Variants in KLF2 observed in about 807,000 individuals in gnomAD.
KLF2 encodes the protein Krueppel-like factor 2.
A neutral mutation model predicts 22.2 loss-of-function variants in KLF2; 9 were observed. The ratio of observed to expected loss-of-function variants is 0.40; its 90% CI spans 0.24 to 0.71. The LOEUF (loss-of-function observed/expected upper bound fraction) is 0.71, where lower values mean the gene tolerates loss of function less well. KLF2 is among the 30% of genes least tolerant of loss of function. The probability of loss-of-function intolerance (pLI) is 0.35; values close to 1 mark genes in which losing one functional copy is unlikely to be tolerated. For missense variants in KLF2, 481 were observed against 542.1 expected (o/e 0.89, Z 1.12); for synonymous variants, 299 against 264.2 (o/e 1.13, Z -1.28).
At position 16,325,861 on chromosome 19, in the gene KLF2, G is replaced by C; in HGVS notation, c.721G>C (p.Gly241Arg). The change falls in exon 2 of 3, where the codon GGT becomes CGT. Residue 241 changes from glycine to arginine, a missense_variant. Around this residue, in one of 2 missense-constraint regions of KLF2, gnomAD observed 421 missense variants for 435.1 expected, o/e 0.97. Coordinates refer to ENST00000248071, the MANE Select transcript of KLF2 (RefSeq NM_016270.4). ...GGGCCTGGCGCCCCCCGCCGCCCGC[G>C]GTCTCCTCACGCCGCCTGCGTCCCC... ...ALGLAPPAAR[G>R]LLTPPASPLE... 2 of 1,427,442 alleles carry C rather than the reference G, an allele frequency of 1.4e-6. No homozygotes were observed. The highest frequency in any genetic ancestry group is 3.0e-5 in the East Asian group (1 of 33,096). 88.4% of individuals were successfully genotyped at this position (1,427,442 alleles called of 1,614,324 possible). A position where few individuals can be genotyped will look rare whatever the true frequency, so the allele number is the denominator to read the frequency against.
In KLF2 at chr19:16,325,448, C is replaced by T. The variant is rs1222827636; in HGVS notation, c.308C>T (p.Pro103Leu). 1 of 1,413,570 alleles carries T rather than the reference C, an allele frequency of 7.1e-7. No individual in the cohort carries two copies. 87.6% of individuals were successfully genotyped at this position (1,413,570 alleles called of 1,614,324 possible). Residue 103 changes from proline to leucine, a missense_variant, in exon 2 of 3, where the codon CCG (proline) becomes CTG (leucine). Physicochemically the swap from Pro to Leu is moderately conservative, Grantham distance 98 (BLOSUM62 -3). Around this residue, in one of 2 missense-constraint regions of KLF2, gnomAD observed 421 missense variants for 435.1 expected, o/e 0.97. Coordinates refer to ENST00000248071, the MANE Select transcript of KLF2 (RefSeq NM_016270.4). ...CTGCTGCGACCCGAGCTGGATGCGC[C>T]GCTGGGGCCCGCACTGCACGGCCGC... Reference protein sequence around the residue: ...SELLRPELDAPLGPALHGRFL... With the variant: ...SELLRPELDALLGPALHGRFL...
Position 16,325,523 on chromosome 19 carries a change from C to T in KLF2, c.383C>T (p.Ala128Val), listed in dbSNP as rs1026883554. ...GRLVKAEPPE[A>V]DGGGGYGCAP... Reference sequence around the variant, plus strand: ...CTGGTCAAGGCCGAGCCCCCTGAAGCGGACGGCGGCGGCGGCTACGGCTGC... The same window carrying T: ...CTGGTCAAGGCCGAGCCCCCTGAAGTGGACGGCGGCGGCGGCTACGGCTGC... The change falls in exon 2 of 3, where the codon GCG (alanine) becomes GTG (valine). Residue 128 changes from alanine to valine, a missense_variant. Transcript: ENST00000248071. The T allele has an allele frequency of 1.0e-5, 13 of 1,273,292 alleles. No individual in the cohort carries two copies. Among genetic ancestry groups the T allele is most frequent in the African/African-American group, 3.2e-5 (2 of 63,156 alleles). The allele number at this position is 1,273,292 out of a possible 1,614,324, so 78.9% of individuals were successfully genotyped here. A position where few individuals can be genotyped will look rare whatever the true frequency, so the allele number is the denominator to read the frequency against.
chr19:16,325,071 G>A, intron 1 of KLF2, 73 bp downstream of exon 1: 1 of 1,405,020 alleles, frequency 7.1e-7, no homozygotes, highest in Non-Finnish European at 9.6e-7. Context: ...CGTGGGCTGC[G>A]GGGTGACAGG....
Position 16,325,695 on chromosome 19 carries a change from C to T in KLF2, c.555C>T (p.Pro185=), listed in dbSNP as rs1004068911. 7.0e-6 allele frequency: 8 copies of T among 1,138,674 alleles called. No individual in the cohort carries two copies. Among genetic ancestry groups the T allele is most frequent in the African/African-American group, 3.3e-5 (2 of 60,394 alleles). 70.5% of individuals were successfully genotyped at this position (1,138,674 alleles called of 1,614,324 possible). A position where few individuals can be genotyped will look rare whatever the true frequency, so the allele number is the denominator to read the frequency against. ...PLSPDGPARL[P]APGPRASFPP... ...GCCCCGACGGCCCCGCGCGCCTGCC[C>T]GCGCCCGGTCCGCGCGCCTCCTTCC... Residue 185 remains proline, a synonymous_variant, in exon 2 of 3, where the codon CCC becomes CCT. Coordinates refer to ENST00000248071, the MANE Select transcript of KLF2 (RefSeq NM_016270.4).
At chr19:16,326,239 T>G (rs1599497768) in intron 2 of KLF2, among the ~76,000 whole-genome samples, 5 of 122,636 alleles carry the variant, frequency 4.1e-5, no homozygotes, top group African/African-American at 6.5e-5. Context: ...CCTAAGGAAG[T>G]GTGATCCGAG....
At position 16,327,396 on chromosome 19, in the gene KLF2, T is replaced by A. The variant is rs1036277343; in HGVS notation, c.*365T>A. 1.6e-5 allele frequency: 3 copies of A among 191,416 alleles called. No individual in the cohort carries two copies. Among genetic ancestry groups the A allele is most frequent in the Non-Finnish European group, 2.2e-5 (2 of 92,524 alleles). The allele number at this position is 191,416 out of a possible 1,614,324, so 11.9% of individuals were successfully genotyped here. A position where few individuals can be genotyped will look rare whatever the true frequency, so the allele number is the denominator to read the frequency against. On this transcript the variant is annotated 3_prime_UTR_variant, in exon 3 of 3. Coordinates refer to ENST00000248071, the MANE Select transcript of KLF2 (RefSeq NM_016270.4). ...GTCTGCGGCATTTTTTATAATATTG[T>A]ATATAGTGACTGACAAATATTGTAT...
At chr19:16,325,124 G>A (rs1237468195) in intron 1 of KLF2, 92 bp from the exon 2 acceptor site, 25 of 1,315,824 alleles carry the variant, frequency 1.9e-5, no homozygotes, top group Non-Finnish European at 2.3e-5. Context: ...GAGGATGCGG[G>A]CCACGGGGAT....
intron 2 of KLF2, among the ~76,000 whole-genome samples, chr19:16,326,297 G>A (rs981362176): frequency 6.6e-6 from 1 of 151,830 alleles, no homozygotes; most frequent in African/African-American, 2.4e-5. Flanking sequence ...GGCCTCCGGA[G>A]GTTGGGAAGA....
At position 16,328,014 on chromosome 19, in the gene KLF2, G is replaced by A. The variant is rs1325614281; in HGVS notation, c.*983G>A. On this transcript the variant is annotated 3_prime_UTR_variant, in exon 3 of 3. Coordinates refer to ENST00000248071, the MANE Select transcript of KLF2 (RefSeq NM_016270.4). ...CATTTAGCAAGTCTTTTCTTAAGGG[G>A]TGAGTTCCCCATTCTGCTAGCGGAA... The A allele has an allele frequency of 6.7e-6, 1 of 148,336 alleles. No homozygotes were observed. Among genetic ancestry groups the A allele is most frequent in the Non-Finnish European group, 1.5e-5 (1 of 66,810 alleles). The allele number at this position is 148,336 out of a possible 1,614,324, so 9.2% of individuals were successfully genotyped here. A position where few individuals can be genotyped will look rare whatever the true frequency, so the allele number is the denominator to read the frequency against.
chr19:16,327,290 G>A lies in KLF2; in HGVS notation c.*259G>A. 1.3e-5 allele frequency: 4 copies of A among 317,322 alleles called. No homozygotes were observed. In the South Asian group the frequency reaches 2.2e-4, roughly 17 times the overall value. 19.7% of individuals were successfully genotyped at this position (317,322 alleles called of 1,614,324 possible). A position where few individuals can be genotyped will look rare whatever the true frequency, so the allele number is the denominator to read the frequency against. On this transcript the variant is annotated 3_prime_UTR_variant, in exon 3 of 3. Coordinates refer to ENST00000248071, the MANE Select transcript of KLF2 (RefSeq NM_016270.4). The stretch of plus-strand genomic sequence containing the variant: ...TCAAAATGGTGCAATAATTTAAGTG[G>A]CATCTTCTCTCCCACCGGGTCTACA...
chr19:16,328,388 C>T lies in KLF2; in HGVS notation c.*1357C>T, dbSNP rs953747103. 1.3e-5 allele frequency among the ~76,000 whole-genome samples: 2 copies of T among 152,134 alleles called. No homozygotes were observed. Among genetic ancestry groups the T allele is most frequent in the African/African-American group, 2.4e-5 (1 of 41,430 alleles). ...TCAGGCAAGGAGGTATCTCTCCCCC[C>T]AGATTTCACCTGCCACCCCTCACCT... On this transcript the variant is annotated 3_prime_UTR_variant, in exon 3 of 3. Coordinates refer to ENST00000248071, the MANE Select transcript of KLF2 (RefSeq NM_016270.4).
rs2091895828 is a variant in KLF2, at chr19:16,328,164, G to A, written c.*1133G>A. ...TTAGCCTGCTCTGTCTGCCTCCAAG[G>A]GTCCCTGAACCCCACTGGAAGGGAG... On this transcript the variant is annotated 3_prime_UTR_variant, in exon 3 of 3. Transcript: ENST00000248071. Among the ~76,000 whole-genome samples, 1 of 152,058 alleles carries A rather than the reference G, an allele frequency of 6.6e-6. No homozygotes were observed. Among genetic ancestry groups the A allele is most frequent in the Admixed American group, 6.6e-5 (1 of 15,226 alleles).
At position 16,328,429 on chromosome 19, in the gene KLF2, G is replaced by A. The variant is rs1166154201; in HGVS notation, c.*1398G>A. 2.0e-5 allele frequency among the ~76,000 whole-genome samples: 3 copies of A among 152,062 alleles called. No homozygotes were observed. The highest frequency in any genetic ancestry group is 4.4e-5 in the Non-Finnish European group (3 of 68,020). On this transcript the variant is annotated 3_prime_UTR_variant, in exon 3 of 3. Transcript: ENST00000248071. The stretch of plus-strand genomic sequence containing the variant: ...CCCCTCACCTTCCCCATTCTCAGGG[G>A]CCCCGGGTAACCATGACCACCAACC...
chr19:16,326,058 C>A, intron 2 of KLF2, 26 bp downstream of exon 2: 1 of 1,526,806 alleles, frequency 6.5e-7, no homozygotes, highest in Non-Finnish European at 8.8e-7. Flanking sequence ...GAGCCAGGAG[C>A]GCAGGCGGGG....
rs1282385083 is a variant in KLF2 at position 16,328,134 on chromosome 19, G to A, written c.*1103G>A. 1.3e-5 allele frequency among the ~76,000 whole-genome samples: 2 copies of A among 152,112 alleles called. No individual in the cohort carries two copies. Among genetic ancestry groups the A allele is most frequent in the Non-Finnish European group, 2.9e-5 (2 of 68,030 alleles). On this transcript the variant is annotated 3_prime_UTR_variant, in exon 3 of 3. Coordinates refer to ENST00000248071, the MANE Select transcript of KLF2 (RefSeq NM_016270.4). ...AGGTAGCGGCAGGGTGGTGGAGTTG[G>A]GTTGTTAGCCTGCTCTGTCTGCCTC...
chr19:16,327,043 C>T lies in KLF2; in HGVS notation c.*12C>T. On this transcript the variant is annotated 3_prime_UTR_variant, in exon 3 of 3. Transcript: ENST00000248071. ...AACGGCACATGTAGCCGGGACGCCC[C>T]CGCCCACCTGCGCGCGGCCGTGGCG... 2.6e-6 allele frequency: 4 copies of T among 1,562,796 alleles called. No homozygotes were observed. Among genetic ancestry groups the T allele is most frequent in the Non-Finnish European group, 3.5e-6 (4 of 1,152,444 alleles).
rs2091892710 is a variant in KLF2 at position 16,327,094 on chromosome 19, C to T, written c.*63C>T. ...GGTCCCACGCGCCGGGCGCGGCCCCCTCCCAAACTGTGACTGGTATTTATT... is the reference window on the plus strand; with the variant it reads ...GGTCCCACGCGCCGGGCGCGGCCCCTTCCCAAACTGTGACTGGTATTTATT... On this transcript the variant is annotated 3_prime_UTR_variant, in exon 3 of 3. Transcript: ENST00000248071. 7.0e-7 allele frequency: 1 copy of T among 1,425,104 alleles called. No homozygotes were observed. The highest frequency in any genetic ancestry group is 9.3e-7 in the Non-Finnish European group (1 of 1,073,492). The allele number at this position is 1,425,104 out of a possible 1,614,324, so 88.3% of individuals were successfully genotyped here.
At chr19:16,326,710 G>A in intron 2 of KLF2, 146 bp from the exon 3 acceptor site, 1 of 778,770 alleles carries the variant, frequency 1.3e-6, no homozygotes, top group Non-Finnish European at 2.0e-6. Flanking sequence ...AGTTGGGGAT[G>A]TAGGGCAAGG....
intron 2 of KLF2, 66 bp from the exon 3 acceptor site, chr19:16,326,790 C>G: frequency 1.3e-6 from 2 of 1,520,168 alleles, no homozygotes; most frequent in Non-Finnish European, 1.8e-6. Context: ...TTGCGCTCGC[C>G]GGGGTAGCCA....
Sources: gnomAD v4.1 joint callset for allele counts (sites outside exome capture counted in the v4.1 genomes callset) on GRCh38, gnomAD v4.1.1 for gene constraint, gnomAD v4.1.1 regional missense constraint, MANE v1.5 for transcripts, NCBI Gene and HGNC (gene_info 2026-07-23, HGNC 2026-07-21) for gene names.